The following SCUBE3 variants were observed in gnomAD, a reference collection of about 807,000 sequenced individuals.
SCUBE3 encodes signal peptide, CUB domain and EGF like domain containing 3, also known as signal peptide, CUB and EGF-like domain-containing protein 3.
A neutral mutation model predicts 116.8 loss-of-function variants in SCUBE3; 33 were observed. The observed-to-expected ratio is 0.28, with a 90% confidence interval of 0.21 to 0.38. The LOEUF (loss-of-function observed/expected upper bound fraction) is 0.38, where lower values mean the gene tolerates loss of function less well. Ranked by LOEUF, SCUBE3 falls within the 10% of genes least tolerant of loss-of-function variation. The pLI is 1.00. For synonymous variants in SCUBE3, 418 were observed against 496.9 expected, an observed-to-expected ratio of 0.84 and a Z score of 2.11; for missense variants, 1,007 against 1,324.8, an observed-to-expected ratio of 0.76 and a Z score of 3.72.
rs780861679 is a variant in SCUBE3 at position 35,241,157 on chromosome 6, C to G, written c.1086C>G (p.Ser362Arg). 1.9e-6 allele frequency: 3 copies of G among 1,599,424 alleles called. No individual in the cohort carries two copies. Among genetic ancestry groups the G allele is most frequent in the African/African-American group, 2.7e-5 (2 of 74,690 alleles). The change falls in exon 10 of 22, where the codon AGC becomes AGG. Residue 362 changes from serine (S) to arginine (R), a missense_variant. Ser to Arg is a moderately radical substitution (Grantham distance 110, BLOSUM62 -1). Coordinates refer to ENST00000274938, the MANE Select transcript of SCUBE3 (RefSeq NM_152753.4). The surrounding 1 kb of genome is among the most constrained non-coding windows in gnomAD (Gnocchi z 4.1). ...TTCCCCCAGATGTGGATGAATGCAG[C>G]ATCAACCGGGGAGGTTGCCGCTTTG... Reference protein sequence around the residue: ...ITHCGDVDECSINRGGCRFGC... With the variant: ...ITHCGDVDECRINRGGCRFGC...
At position 35,241,497 on chromosome 6, in the gene SCUBE3, G is replaced by C. The variant is rs1784047283; in HGVS notation, c.1196-46G>C. On this transcript the variant is annotated intron_variant, in intron 10 of 21. Coordinates refer to ENST00000274938, the MANE Select transcript of SCUBE3 (RefSeq NM_152753.4). The surrounding 1 kb of genome is among the most constrained non-coding windows in gnomAD (Gnocchi z 4.1). ...TGATTCCTCCAAATTACCCAACTGA[G>C]GGAAAGGAATGCATTCATTTGCTCA... 3.6e-6 allele frequency: 5 copies of C among 1,374,650 alleles called. No homozygotes were observed. Among genetic ancestry groups the C allele is most frequent in the Middle Eastern group, 3.6e-4 (2 of 5,614 alleles). 85.2% of individuals were successfully genotyped at this position (1,374,650 alleles called of 1,614,324 possible).
Position 35,231,611 on chromosome 6 carries a change from AG to A in SCUBE3, c.335-112del. On this transcript the variant is annotated intron_variant, in intron 3 of 21. Coordinates refer to ENST00000274938, the MANE Select transcript of SCUBE3 (RefSeq NM_152753.4). This position sits in a 1 kb window ranked among gnomAD's most constrained non-coding sequence, Gnocchi z 4.2. Reference sequence around the variant, plus strand: ...AAGGGTGTGAGGACTTCCTGGCTTAAGGCTGGGCTTAGGGGGTAGTAGTTCT... The same window carrying A: ...AAGGGTGTGAGGACTTCCTGGCTTAAGCTGGGCTTAGGGGGTAGTAGTTCT... 1 of 873,438 alleles carries A rather than the reference AG, an allele frequency of 1.1e-6. No homozygotes were observed. The highest frequency in any genetic ancestry group is 2.7e-5 in the Admixed American group (1 of 36,700). The allele number at this position is 873,438 out of a possible 1,614,324, so 54.1% of individuals were successfully genotyped here.
At position 35,231,695 on chromosome 6, in the gene SCUBE3, A is replaced by C. The variant is rs766306841; in HGVS notation, c.335-30A>C. Reference sequence around the variant, plus strand: ...ATACCCTGGACCCTGCCTGTACCCCATGACCCCACTGACTACCTATCCTGC... The same window carrying C: ...ATACCCTGGACCCTGCCTGTACCCCCTGACCCCACTGACTACCTATCCTGC... On this transcript the variant is annotated intron_variant, in intron 3 of 21. Transcript: ENST00000274938. The surrounding 1 kb of genome is among the most constrained non-coding windows in gnomAD (Gnocchi z 4.2). 2.5e-6 allele frequency: 4 copies of C among 1,584,300 alleles called. No individual in the cohort carries two copies. Among genetic ancestry groups the C allele is most frequent in the Non-Finnish European group, 3.5e-6 (4 of 1,157,978 alleles).
Position 35,237,924 on chromosome 6 carries a change from G to A in SCUBE3, c.735G>A (p.Gly245=). 6.2e-7 allele frequency: 1 copy of A among 1,611,526 alleles called. No homozygotes were observed. The highest frequency in any genetic ancestry group is 2.2e-5 in the East Asian group (1 of 44,854). Residue 245 remains glycine (G), a synonymous_variant, in exon 7 of 22, where the codon GGG becomes GGA. Transcript: ENST00000274938. ...CAGAGACCTGTGCTGTCAACAACGG[G>A]GGCTGTGACAGTAAGTGCCATGATG... ...TCIETCAVNN[G]GCDSKCHDAA...
chr6:35,219,387 T>C lies in SCUBE3; in HGVS notation c.85+4884T>C, dbSNP rs947795460. ...TAGCCTAGACATGTCCCCCTGCAGATCAAGCACTGCTTTGTAGTTGCTGTT... is the reference window on the plus strand; with the variant it reads ...TAGCCTAGACATGTCCCCCTGCAGACCAAGCACTGCTTTGTAGTTGCTGTT... On this transcript the variant is annotated intron_variant, in intron 1 of 21. Transcript: ENST00000274938. This position sits in a 1 kb window ranked among gnomAD's most constrained non-coding sequence, Gnocchi z 4.7. 1.3e-5 allele frequency among the ~76,000 whole-genome samples: 2 copies of C among 152,180 alleles called. No homozygotes were observed. The highest frequency in any genetic ancestry group is 2.9e-5 in the Non-Finnish European group (2 of 68,012).
In SCUBE3 at chr6:35,251,145, TCTTTC is replaced by T. The variant is rs1784539012; in HGVS notation, c.*2441_*2445del. The T allele has an allele frequency of 1.4e-5, 2 of 139,908 alleles. No individual in the cohort carries two copies. Among genetic ancestry groups the T allele is most frequent in the African/African-American group, 5.2e-5 (2 of 38,502 alleles). 8.7% of individuals were successfully genotyped at this position (139,908 alleles called of 1,614,324 possible). A position where few individuals can be genotyped will look rare whatever the true frequency, so the allele number is the denominator to read the frequency against. On this transcript the variant is annotated 3_prime_UTR_variant, in exon 22 of 22. Transcript: ENST00000274938. Reference sequence around the variant, plus strand: ...AGAAGCTAGGATAACTTTCTTTCTTTCTTTCTTTTTTTTTTTTTTTTTTTTTGAGA... The same window carrying T: ...AGAAGCTAGGATAACTTTCTTTCTTTTTTTTTTTTTTTTTTTTTTTTGAGA...
chr6:35,236,579 G>C (rs1025930443), intron 6 of SCUBE3, among the ~76,000 whole-genome samples: 2 of 152,210 alleles, frequency 1.3e-5, no homozygotes. Context: ...TCCAGGTTGG[G>C]CTGTTCCACA....
In SCUBE3 at chr6:35,228,107, A is replaced by G. The variant is rs1783400283; in HGVS notation, c.208+405A>G. 1.3e-5 allele frequency among the ~76,000 whole-genome samples: 2 copies of G among 152,238 alleles called. No homozygotes were observed. The highest frequency in any genetic ancestry group is 4.8e-5 in the African/African-American group (2 of 41,452). On this transcript the variant is annotated intron_variant, in intron 2 of 21. Transcript: ENST00000274938. This position sits in a 1 kb window ranked among gnomAD's most constrained non-coding sequence, Gnocchi z 4.9. ...ACATCTTCCCCTCATAATTAAATCA[A>G]TGCAAATTAAAGTAGCCTTGAGATA...
In SCUBE3 at chr6:35,243,765, GAACA is replaced by G; in HGVS notation, c.2071+16_2071+19del. The G allele has an allele frequency of 6.2e-7, 1 of 1,612,958 alleles. No homozygotes were observed. Among genetic ancestry groups the G allele is most frequent in the South Asian group, 1.1e-5 (1 of 90,998 alleles). On this transcript the variant is annotated intron_variant, in intron 16 of 21. Transcript: ENST00000274938. This position sits in a 1 kb window ranked among gnomAD's most constrained non-coding sequence, Gnocchi z 6.6. ...GTCACCACGTGTGCAGGTGCCAGGGGAACAAACAATACAGAGTGGGGTAGGGTGG... is the reference window on the plus strand; with the variant it reads ...GTCACCACGTGTGCAGGTGCCAGGGGAACAATACAGAGTGGGGTAGGGTGG...
chr6:35,217,782 G>C (rs990923603), intron 1 of SCUBE3, among the ~76,000 whole-genome samples: 2 of 152,158 alleles, frequency 1.3e-5, no homozygotes, highest in Admixed American at 1.3e-4. Flanking sequence ...ACACTGGAGA[G>C]AGGGAGAGTC....
At position 35,245,272 on chromosome 6, in the gene SCUBE3, G is replaced by GA. The variant is rs1225704873; in HGVS notation, c.2447dup (p.Ser817ValfsTer38). The GA allele has an allele frequency of 6.2e-7, 1 of 1,614,098 alleles. No individual in the cohort carries two copies. Among genetic ancestry groups the GA allele is most frequent in the South Asian group, 1.1e-5 (1 of 91,074 alleles). Reference sequence around the variant, plus strand: ...GCTGGGTGAGTTCACTGGCTATATTGAGTCCCCCAACTACCCGGGCAACTA... The same window carrying GA: ...GCTGGGTGAGTTCACTGGCTATATTGAAGTCCCCCAACTACCCGGGCAACTA... On this transcript the variant is annotated frameshift_variant, in exon 19 of 22. Transcript: ENST00000274938. LOFTEE classifies it high-confidence loss of function. This position sits in a 1 kb window ranked among gnomAD's most constrained non-coding sequence, Gnocchi z 4.2.
Position 35,242,290 on chromosome 6 carries a change from A to G in SCUBE3, c.1504A>G (p.Thr502Ala). The G allele has an allele frequency of 6.2e-7, 1 of 1,613,748 alleles. No individual in the cohort carries two copies. The highest frequency in any genetic ancestry group is 8.5e-7 in the Non-Finnish European group (1 of 1,179,694). The change falls in exon 13 of 22, where the codon ACA (threonine) becomes GCA (alanine). Residue 502 changes from threonine to alanine, a missense_variant. Thr to Ala is a moderately conservative substitution (Grantham distance 58). This residue lies in a region of SCUBE3 where 544 missense variants were observed against 638.9 expected (regional missense o/e 0.85). Coordinates refer to ENST00000274938, the MANE Select transcript of SCUBE3 (RefSeq NM_152753.4). Reference sequence around the variant, plus strand: ...TTTGCACCTGCGAAACAAAGGCAAAACAGAGGAGGCTGGCAGAATCACAGG... The same window carrying G: ...TTTGCACCTGCGAAACAAAGGCAAAGCAGAGGAGGCTGGCAGAATCACAGG... ...CRLHLRNKGK[T>A]EEAGRITGPG...
At chr6:35,216,840 A>T (rs1053646965) in intron 1 of SCUBE3, among the ~76,000 whole-genome samples, 4 of 152,110 alleles carry the variant, frequency 2.6e-5, no homozygotes, top group Admixed American at 6.5e-5. Context: ...AGTGATTCCC[A>T]CAATGGGAAA....
chr6:35,248,780 T>A lies in SCUBE3; in HGVS notation c.*75T>A. 1.7e-6 allele frequency: 2 copies of A among 1,177,056 alleles called. No individual in the cohort carries two copies. Among genetic ancestry groups the A allele is most frequent in the East Asian group, 2.4e-5 (1 of 42,046 alleles). 72.9% of individuals were successfully genotyped at this position (1,177,056 alleles called of 1,614,324 possible). A position where few individuals can be genotyped will look rare whatever the true frequency, so the allele number is the denominator to read the frequency against. Reference sequence around the variant, plus strand: ...CCTCAGAGCCGGCAGCCCCCTACCCTCAGACAAGGAACTCTCTCCTCTCTT... The same window carrying A: ...CCTCAGAGCCGGCAGCCCCCTACCCACAGACAAGGAACTCTCTCCTCTCTT... On this transcript the variant is annotated 3_prime_UTR_variant, in exon 22 of 22. Coordinates refer to ENST00000274938, the MANE Select transcript of SCUBE3 (RefSeq NM_152753.4).
intron 21 of SCUBE3, among the ~76,000 whole-genome samples, 172 bp downstream of exon 21, chr6:35,246,457 G>A (rs535610437): frequency 1.1e-4 from 16 of 152,190 alleles, no homozygotes; most frequent in Admixed American, 4.6e-4. Context: ...GGTATAGAGA[G>A]TTAAAGAACC....
chr6:35,229,131 A>C (rs1180610449), intron 3 of SCUBE3, among the ~76,000 whole-genome samples: 7 of 152,178 alleles, frequency 4.6e-5, no homozygotes, highest in African/African-American at 1.7e-4. Flanking sequence ...GGGTGGGACC[A>C]GGTGTGGTAG....
Position 35,245,158 on chromosome 6 carries a change from A to G in SCUBE3, c.2402-70A>G, listed in dbSNP as rs1349069111. Reference sequence around the variant, plus strand: ...CTGACCTCTACTTCAGAACTCTTCAATTCCCCCAGCACACTTCCCCACTGA... The same window carrying G: ...CTGACCTCTACTTCAGAACTCTTCAGTTCCCCCAGCACACTTCCCCACTGA... On this transcript the variant is annotated intron_variant, in intron 18 of 21. Coordinates refer to ENST00000274938, the MANE Select transcript of SCUBE3 (RefSeq NM_152753.4). The surrounding 1 kb of genome is among the most constrained non-coding windows in gnomAD (Gnocchi z 4.2). 4 of 1,413,066 alleles carry G rather than the reference A, an allele frequency of 2.8e-6. No homozygotes were observed. Among genetic ancestry groups the G allele is most frequent in the Admixed American group, 1.7e-5 (1 of 58,876 alleles). 87.5% of individuals were successfully genotyped at this position (1,413,066 alleles called of 1,614,324 possible). A position where few individuals can be genotyped will look rare whatever the true frequency, so the allele number is the denominator to read the frequency against.
At chr6:35,227,546 AG>A in intron 1 of SCUBE3, 33 bp from the exon 2 acceptor site, 1 of 1,613,732 alleles carries the variant, frequency 6.2e-7, no homozygotes, top group Non-Finnish European at 8.5e-7. Flanking sequence ...AGGTGCCAAC[AG>A]AGGTTCTCAT....
At chr6:35,227,870 T>C (rs777732756) in intron 2 of SCUBE3, among the ~76,000 whole-genome samples, 168 bp downstream of exon 2, 6 of 152,084 alleles carry the variant, frequency 3.9e-5, no homozygotes, top group Non-Finnish European at 8.8e-5. Context: ...AGGGTGCCAT[T>C]TTCTAATTTG....
Sources: gnomAD v4.1 joint callset for allele counts (sites outside exome capture counted in the v4.1 genomes callset) on GRCh38, gnomAD v4.1.1 for gene constraint, gnomAD v4.1.1 regional missense constraint, Gnocchi (gnomAD v3.1) non-coding constraint, MANE v1.5 for transcripts, NCBI Gene and HGNC (gene_info 2026-07-23, HGNC 2026-07-21) for gene names.